TNRC6A: variants seen among roughly 807,000 people sequenced by gnomAD.
The protein encoded by TNRC6A is trinucleotide repeat-containing gene 6A protein.
TNRC6A carries 44 observed loss-of-function variants against 221.2 expected under a neutral mutation model. That is an observed-to-expected ratio of 0.20 (90% CI 0.16 to 0.26). The LOEUF (loss-of-function observed/expected upper bound fraction) is 0.26. TNRC6A is among the 10% of genes least tolerant of loss of function. The probability of loss-of-function intolerance (pLI) is 1.00; values close to 1 mark genes in which losing one functional copy is unlikely to be tolerated. For synonymous variants in TNRC6A, 847 were observed against 838.5 expected (o/e 1.01, Z -0.18); for missense variants, 2,199 against 2,404.4 (o/e 0.91, Z 1.79).
chr16:24,721,338 A>C (rs893885529), intron 2 of TNRC6A, among the ~76,000 whole-genome samples: 4 of 152,184 alleles, frequency 2.6e-5, no homozygotes, highest in Admixed American at 2.0e-4. Context: ...ATTTACTCAT[A>C]ATAGCCCCAA....
At chr16:24,758,209 CTATT>C in intron 3 of TNRC6A, 126 bp from the exon 4 acceptor site, 2 of 870,254 alleles carry the variant, frequency 2.3e-6, no homozygotes, top group East Asian at 2.7e-5. Context: ...TGCAGTTCAT[CTATT>C]TGAGAAATTC....
rs1398738561 is a variant in TNRC6A at position 24,729,805 on chromosome 16, C to G, written c.-37C>G. 1.4e-6 allele frequency: 2 copies of G among 1,407,708 alleles called. No homozygotes were observed. The highest frequency in any genetic ancestry group is 3.0e-5 in the African/African-American group (2 of 66,384). The allele number at this position is 1,407,708 out of a possible 1,614,324, so 87.2% of individuals were successfully genotyped here. On this transcript the variant is annotated 5_prime_UTR_variant, in exon 1 of 25. Transcript: ENST00000395799. ...GGAGGGCTTGAGGCTCGCGAGCCTC[C>G]TTCGCCGCGCCCCACTTGCTCGTGC...
rs75844144 is a variant in TNRC6A at position 24,764,936 on chromosome 16, A to G, written c.163+6576A>G. 8.6e-3 allele frequency among the ~76,000 whole-genome samples: 1,306 copies of G among 152,350 alleles called. 22 individuals are homozygous for G. Among genetic ancestry groups the G allele is most frequent in the African/African-American group, 0.03 (1,240 of 41,568 alleles). On this transcript the variant is annotated intron_variant, in intron 4 of 24. Coordinates refer to ENST00000395799, the MANE Select transcript of TNRC6A (RefSeq NM_014494.4). ...GATTAACAACTAATAATAAAATAAA[A>G]TAGAACAATTATAATCTGTTGTAAT...
At chr16:24,717,932 A>T (rs959638139) in intron 2 of TNRC6A, among the ~76,000 whole-genome samples, 2 of 151,174 alleles carry the variant, frequency 1.3e-5, no homozygotes, top group Non-Finnish European at 3.0e-5. Flanking sequence ...CACCACCCCC[A>T]GCTAATTTTA....
intron 6 of TNRC6A, 100 bp downstream of exon 6, chr16:24,791,917 ACT>A (rs1567484800): frequency 7.7e-7 from 1 of 1,293,700 alleles, no homozygotes; most frequent in Non-Finnish European, 1.0e-6. Context: ...GGCTGTTCTT[ACT>A]GTAATCCAGA....
At chr16:24,689,989 T>TAAAAAAAAAAAAAAAAA (rs60944175) in intron 2 of TNRC6A, among the ~76,000 whole-genome samples, 1 of 97,478 alleles carries the variant, frequency 1.0e-5, no homozygotes, top group African/African-American at 3.6e-5. Context: ...AGGCTTAAAG[T>TAAAAAAAAAAAAAAAAA]AAAAAAAAAA....
rs2058671746 is a variant in TNRC6A, at chr16:24,817,053, G to A, written c.4972+97G>A. ...GCTACTCTGGGCGACTGAGCCCAGG[G>A]TACTCTGGGATCACTTGAGCCCAGG... On this transcript the variant is annotated intron_variant, in intron 20 of 24. Transcript: ENST00000395799. 14 of 1,291,730 alleles carry A rather than the reference G, an allele frequency of 1.1e-5. No individual in the cohort carries two copies. In the South Asian group the frequency reaches 2.4e-4, roughly 22 times the overall value. 80.0% of individuals were successfully genotyped at this position (1,291,730 alleles called of 1,614,324 possible).
chr16:24,823,113 T>C lies in TNRC6A; in HGVS notation c.5513+100T>C, dbSNP rs1342990827. ...GTGCACAGGGTCCTGCGTGGGTGGCTCCTGCTGGCTGCAGTAGTGCCCTGA... is the reference window on the plus strand; with the variant it reads ...GTGCACAGGGTCCTGCGTGGGTGGCCCCTGCTGGCTGCAGTAGTGCCCTGA... On this transcript the variant is annotated intron_variant, in intron 24 of 24. Coordinates refer to ENST00000395799, the MANE Select transcript of TNRC6A (RefSeq NM_014494.4). The surrounding 1 kb of genome is among the most constrained non-coding windows in gnomAD (Gnocchi z 4.3). 10 of 1,499,468 alleles carry C rather than the reference T, an allele frequency of 6.7e-6. No individual in the cohort carries two copies. The highest frequency in any genetic ancestry group is 8.2e-6 in the Non-Finnish European group (9 of 1,092,502). 92.9% of individuals were successfully genotyped at this position (1,499,468 alleles called of 1,614,324 possible).
intron 2 of TNRC6A, among the ~76,000 whole-genome samples, chr16:24,748,823 T>C (rs1008236380): frequency 6.6e-6 from 1 of 152,192 alleles, no homozygotes; most frequent in African/African-American, 2.4e-5. Context: ...TGATAAATAA[T>C]GTGCAGCTTC....
chr16:24,793,700 C>T (rs2058160264), intron 7 of TNRC6A, 51 bp downstream of exon 7: 2 of 1,294,658 alleles, frequency 1.5e-6, no homozygotes, highest in East Asian at 2.8e-5. Context: ...GGCGAACACT[C>T]ACTGACTATA....
At chr16:24,658,712 A>C (rs969918385) in intron 2 of TNRC6A, among the ~76,000 whole-genome samples, 1 of 151,908 alleles carries the variant, frequency 6.6e-6, no homozygotes, top group African/African-American at 2.4e-5. Context: ...TTTCCTGATT[A>C]GTTGACTTTT....
At chr16:24,629,274 T>C (rs1901205846) in intron 1 of TNRC6A, among the ~76,000 whole-genome samples, 3 of 152,194 alleles carry the variant, frequency 2.0e-5, no homozygotes, top group Admixed American at 6.6e-5. Flanking sequence ...AATTACAAAT[T>C]TGAATCTCCT....
upstream of TNRC6A, among the ~76,000 whole-genome samples, chr16:24,727,935 T>C (rs79499657): frequency 8.6e-5 from 13 of 151,824 alleles, no homozygotes; most frequent in East Asian, 1.4e-3. Context: ...ATTTTTTTTT[T>C]CAAAAAAGTG....
intron 2 of TNRC6A, among the ~76,000 whole-genome samples, chr16:24,664,534 TA>T (rs904091471): frequency 7.0e-6 from 1 of 143,266 alleles, no homozygotes; most frequent in Non-Finnish European, 1.5e-5. Context: ...ATAATATATA[TA>T]TTTTTAAAAT....
chr16:24,776,133 A>C (rs1318572165), intron 4 of TNRC6A, among the ~76,000 whole-genome samples: 1 of 152,180 alleles, frequency 6.6e-6, no homozygotes, highest in Non-Finnish European at 1.5e-5. Flanking sequence ...TGGCACCAAA[A>C]GCTCATACAC....
intron 17 of TNRC6A, among the ~76,000 whole-genome samples, chr16:24,808,458 G>A (rs777825201): frequency 1.3e-5 from 2 of 152,190 alleles, no homozygotes; most frequent in African/African-American, 2.4e-5. Flanking sequence ...GGCTGCTTTC[G>A]TGCTGCACCA....
intron 1 of TNRC6A, among the ~76,000 whole-genome samples, chr16:24,616,936 G>T (rs1900385970): frequency 6.8e-6 from 1 of 147,810 alleles, no homozygotes; most frequent in African/African-American, 2.5e-5. Flanking sequence ...AACAAAATGT[G>T]TATTCTGCAA....
chr16:24,804,599 G>A (rs1434243377), intron 12 of TNRC6A, 106 bp from the exon 13 acceptor site: 2 of 1,469,504 alleles, frequency 1.4e-6, no homozygotes, highest in Non-Finnish European at 1.8e-6. Context: ...CCTGTTTCCT[G>A]TTGATGCTGG....
At chr16:24,630,698 C>A (rs1309212898) in intron 1 of TNRC6A, among the ~76,000 whole-genome samples, 1 of 152,150 alleles carries the variant, frequency 6.6e-6, no homozygotes, top group Non-Finnish European at 1.5e-5. Context: ...CTGTAGGGAG[C>A]CCCACACTGG....
Sources: gnomAD v4.1 joint callset for allele counts (sites outside exome capture counted in the v4.1 genomes callset) on GRCh38, gnomAD v4.1.1 for gene constraint, Gnocchi (gnomAD v3.1) non-coding constraint, MANE v1.5 for transcripts, NCBI Gene and HGNC (gene_info 2026-07-23, HGNC 2026-07-21) for gene names.